ZMYM2: variants seen among roughly 807,000 people sequenced by gnomAD.
ZMYM2 encodes the protein zinc finger MYM-type protein 2.
Under a neutral mutation model 162.8 loss-of-function variants are expected in ZMYM2, and 56 were observed. That is an observed-to-expected ratio of 0.34 (90% confidence interval 0.28 to 0.43). The LOEUF (loss-of-function observed/expected upper bound fraction) is 0.43, where lower values mean the gene tolerates loss of function less well. ZMYM2 is among the 20% of genes least tolerant of loss of function. The pLI is 1.00. For missense variants in ZMYM2, 1,275 were observed against 1,621.8 expected (o/e 0.79, Z 3.67); for synonymous variants, 510 against 541.6 (o/e 0.94, Z 0.81).
chr13:19,979,615 G>T lies in ZMYM2; in HGVS notation c.-10-13448G>T, dbSNP rs372669914. On this transcript the variant is annotated intron_variant, in intron 2 of 24. Transcript: ENST00000610343. ...CTACAGGGAAAGCTGCTCCTGCCCA[G>T]AAGGCTGAAACCAAGGAAGTGTCTG... Among the ~76,000 whole-genome samples the T allele has an allele frequency of 4.6e-5, 7 of 152,240 alleles. 1 individual carries two copies. The highest frequency in any genetic ancestry group is 1.3e-4 in the Admixed American group (2 of 15,284).
Position 20,059,545 on chromosome 13 carries a change from A to G in ZMYM2, c.2722A>G (p.Thr908Ala). ...GTACAGTCAGAATATTCCTGTTCCT[A>G]CTACAGTTCCTGTTCCTGTAAGTCA... is the stretch of plus-strand genomic sequence containing the variant. ...HMYSQNIPVP[T>A]TVPVPVPVPV... Residue 908 changes from threonine to alanine, a missense_variant, in exon 16 of 25, where the codon ACT becomes GCT. Coordinates refer to ENST00000610343, the MANE Select transcript of ZMYM2 (RefSeq NM_197968.4). The G allele has an allele frequency of 3.2e-6, 4 of 1,267,572 alleles. No homozygotes were observed. Among genetic ancestry groups the G allele is most frequent in the Non-Finnish European group, 4.6e-6 (4 of 864,156 alleles). The allele number at this position is 1,267,572 out of a possible 1,614,324, so 78.5% of individuals were successfully genotyped here. A position where few individuals can be genotyped will look rare whatever the true frequency, so the allele number is the denominator to read the frequency against.
chr13:20,041,703 G>A (rs1954263885), intron 12 of ZMYM2, among the ~76,000 whole-genome samples: 1 of 152,104 alleles, frequency 6.6e-6, no homozygotes. Context: ...TCCATATTTA[G>A]TGCTTCCTTC....
At chr13:19,930,927 C>T in the ZMYM2 span, among the ~76,000 whole-genome samples, 2 of 151,058 alleles carry the variant, frequency 1.3e-5, no homozygotes, top group South Asian at 4.2e-4. Context: ...ATCAAGAGGT[C>T]AGGAGATCGA....
At chr13:19,977,734 C>T (rs903586258) in intron 2 of ZMYM2, among the ~76,000 whole-genome samples, 14 of 151,612 alleles carry the variant, frequency 9.2e-5, no homozygotes, top group African/African-American at 3.4e-4. Context: ...TTGTGGTCCA[C>T]CCACCTCAGC....
chr13:19,917,988 T>C, the ZMYM2 span, among the ~76,000 whole-genome samples: 7 of 151,848 alleles, frequency 4.6e-5, no homozygotes, highest in South Asian at 8.3e-4. Context: ...GTCCGGGAGA[T>C]GGAAGTTGCA....
rs35941536 is a variant in ZMYM2 at position 20,086,771 on chromosome 13, GTATATA to G, written c.*780_*785del. ...TATATATATGTATGTATGTGTGTGT[GTATATA>G]TATATATATATATATATATATAAAT... On this transcript the variant is annotated 3_prime_UTR_variant, in exon 25 of 25. Transcript: ENST00000610343. The G allele has an allele frequency of 1.8e-4, 24 of 133,836 alleles. No individual in the cohort carries two copies. The highest frequency in any genetic ancestry group is 9.6e-4 in the South Asian group (4 of 4,170). The allele number at this position is 133,836 out of a possible 1,614,324, so 8.3% of individuals were successfully genotyped here.
intron 18 of ZMYM2, among the ~76,000 whole-genome samples, chr13:20,063,709 C>T (rs1305620633): frequency 6.8e-6 from 1 of 147,910 alleles, no homozygotes; most frequent in South Asian, 2.1e-4. Context: ...ACTCAGGAGG[C>T]GGAGGTTGCA....
At chr13:19,881,980 CAAAAAAA>C in the ZMYM2 span, among the ~76,000 whole-genome samples, 17 of 121,730 alleles carry the variant, frequency 1.4e-4, no homozygotes, top group African/African-American at 4.1e-4. Flanking sequence ...ACTCTGTATC[CAAAAAAA>C]AAAAAAAAAA....
chr13:19,987,556 C>T (rs1192529537), intron 2 of ZMYM2, among the ~76,000 whole-genome samples: 2 of 150,730 alleles, frequency 1.3e-5, no homozygotes, highest in Admixed American at 6.6e-5. Context: ...AGGCACCGCA[C>T]CCGGGCGCCC....
At chr13:19,880,498 G>A in the ZMYM2 span, among the ~76,000 whole-genome samples, 3 of 151,818 alleles carry the variant, frequency 2.0e-5, no homozygotes, top group South Asian at 6.2e-4. Flanking sequence ...CCGCGATCTC[G>A]GCTCACCACA....
intron 6 of ZMYM2, among the ~76,000 whole-genome samples, chr13:20,017,615 C>CTTT (rs143348416): frequency 6.8e-6 from 1 of 146,702 alleles, no homozygotes; most frequent in Non-Finnish European, 1.5e-5. Context: ...ATGAATGTTA[C>CTTT]TTTTTTTTTT....
the ZMYM2 span, among the ~76,000 whole-genome samples, chr13:19,917,310 C>G: frequency 1.3e-5 from 2 of 151,886 alleles, no homozygotes; most frequent in African/African-American, 4.8e-5. Flanking sequence ...CTATCACGGC[C>G]GGGTGCAGTG....
chr13:19,926,696 C>T, the ZMYM2 span, among the ~76,000 whole-genome samples: 16 of 152,200 alleles, frequency 1.1e-4, no homozygotes, highest in Admixed American at 7.9e-4. Context: ...AAGACAGGGT[C>T]CCACTCTTTC....
At chr13:19,931,147 A>AAAAAAAT in the ZMYM2 span, among the ~76,000 whole-genome samples, 2 of 147,220 alleles carry the variant, frequency 1.4e-5, no homozygotes, top group South Asian at 2.1e-4. Flanking sequence ...TCAAAAAAAA[A>AAAAAAAT]AATAATAATA....
the ZMYM2 span, among the ~76,000 whole-genome samples, chr13:19,926,260 C>T: frequency 4.6e-5 from 7 of 151,344 alleles, no homozygotes; most frequent in African/African-American, 7.3e-5. Flanking sequence ...TGCGCCTGAC[C>T]AAGGGTTATC....
At chr13:20,037,505 A>C (rs756605356) in intron 12 of ZMYM2, among the ~76,000 whole-genome samples, 2 of 152,164 alleles carry the variant, frequency 1.3e-5, no homozygotes, top group African/African-American at 4.8e-5. Flanking sequence ...TGAGCCACCA[A>C]TGCCCAGCTA....
upstream of ZMYM2, among the ~76,000 whole-genome samples, chr13:19,955,617 C>T (rs953584678): frequency 6.6e-6 from 1 of 152,040 alleles, no homozygotes; most frequent in Non-Finnish European, 1.5e-5. Context: ...GTTACTTGGT[C>T]CTTATAACAA....
chr13:19,982,435 G>A (rs1957423321), intron 2 of ZMYM2, among the ~76,000 whole-genome samples: 1 of 151,764 alleles, frequency 6.6e-6, no homozygotes, highest in Admixed American at 6.6e-5. Context: ...TTACAGGTGT[G>A]CGCCACCATG....
the ZMYM2 span, among the ~76,000 whole-genome samples, chr13:19,897,365 A>G: frequency 1.3e-5 from 2 of 152,148 alleles, no homozygotes; most frequent in African/African-American, 4.8e-5. Flanking sequence ...TACAAAAAAT[A>G]AAGAGGATCC....
Sources: gnomAD v4.1 joint callset for allele counts (sites outside exome capture counted in the v4.1 genomes callset) on GRCh38, gnomAD v4.1.1 for gene constraint, MANE v1.5 for transcripts, NCBI Gene and HGNC (gene_info 2026-07-23, HGNC 2026-07-21) for gene names.